The following NTNG2 variants were observed in gnomAD, a reference collection of about 807,000 sequenced individuals.
NTNG2 encodes netrin G2, also known as netrin-G2.
Under a neutral mutation model 47.6 loss-of-function variants are expected in NTNG2, and 15 were observed. That is an observed-to-expected ratio of 0.32 (90% CI 0.21 to 0.49). The LOEUF (loss-of-function observed/expected upper bound fraction) is 0.49. NTNG2 is among the 20% of genes least tolerant of loss of function. The probability of loss-of-function intolerance (pLI) is 0.99; values close to 1 mark genes in which losing one functional copy is unlikely to be tolerated. For synonymous variants in NTNG2, 307 were observed against 324.6 expected (o/e 0.95, Z 0.58); for missense variants, 578 against 764.6 (o/e 0.76, Z 2.88).
At chr9:132,227,543 G>A (rs527696982) in intron 4 of NTNG2, among the ~76,000 whole-genome samples, 1 of 152,144 alleles carries the variant, frequency 6.6e-6, no homozygotes, top group Non-Finnish European at 1.5e-5. Flanking sequence ...TGTTTGGAGC[G>A]AGCCACCAAG....
At chr9:132,201,363 C>G (rs916304768) in intron 3 of NTNG2, among the ~76,000 whole-genome samples, 2 of 152,238 alleles carry the variant, frequency 1.3e-5, no homozygotes, top group African/African-American at 4.8e-5. Context: ...AGTGTACAAT[C>G]AATTCAGAGA....
intron 3 of NTNG2, among the ~76,000 whole-genome samples, chr9:132,199,825 G>A (rs1260232144): frequency 6.6e-6 from 1 of 152,196 alleles, no homozygotes; most frequent in Non-Finnish European, 1.5e-5. Context: ...GGCCTGCTGT[G>A]GCAGCTCTTT....
chr9:132,241,797 A>C, intron 7 of NTNG2, 79 bp from the exon 8 acceptor site: 159 of 1,139,934 alleles, frequency 1.4e-4, no homozygotes, highest in Middle Eastern at 2.9e-4. Flanking sequence ...GGGATCTCGC[A>C]CACCCTGCTT....
At chr9:132,175,811 G>A (rs1400417722) in intron 2 of NTNG2, among the ~76,000 whole-genome samples, 3 of 152,024 alleles carry the variant, frequency 2.0e-5, no homozygotes, top group African/African-American at 4.8e-5. Context: ...CTGAGCAGCC[G>A]GGGAAGATTT....
chr9:132,174,877 G>A (rs1008583610), intron 2 of NTNG2, among the ~76,000 whole-genome samples: 10 of 151,324 alleles, frequency 6.6e-5, no homozygotes, highest in Middle Eastern at 3.4e-3. Context: ...AACTGAGATC[G>A]TCCCACTGCA....
At chr9:132,181,288 G>T (rs1355481790) in intron 2 of NTNG2, among the ~76,000 whole-genome samples, 3 of 148,554 alleles carry the variant, frequency 2.0e-5, no homozygotes, top group African/African-American at 7.5e-5. Context: ...TTGCCATGTT[G>T]CCCAGGCTGG....
Position 132,180,796 on chromosome 9 carries a change from G to A in NTNG2, c.213+13752G>A, listed in dbSNP as rs568140872. Among the ~76,000 whole-genome samples, 14 of 152,320 alleles carry A rather than the reference G, an allele frequency of 9.2e-5. No homozygotes were observed. Among genetic ancestry groups the A allele is most frequent in the Middle Eastern group, 3.4e-3 (1 of 294 alleles). On this transcript the variant is annotated intron_variant, in intron 2 of 7. Transcript: ENST00000393229. This position sits in a 1 kb window ranked among gnomAD's most constrained non-coding sequence, Gnocchi z 4.2. Reference sequence around the variant, plus strand: ...GAACCTACCCAGAAAACCCTGGAGCGGGAGCTTCTCACTTTTAATGGTCAT... The same window carrying A: ...GAACCTACCCAGAAAACCCTGGAGCAGGAGCTTCTCACTTTTAATGGTCAT...
At chr9:132,213,602 G>A (rs1199895449) in intron 3 of NTNG2, among the ~76,000 whole-genome samples, 1 of 152,150 alleles carries the variant, frequency 6.6e-6, no homozygotes, top group Non-Finnish European at 1.5e-5. Flanking sequence ...TGCAGAACAC[G>A]CCAGCCTCCC....
chr9:132,161,957 G>T, upstream of NTNG2: 1 of 150,772 alleles, frequency 6.6e-6, no homozygotes, highest in South Asian at 1.8e-4. This position sits in a 1 kb window ranked among gnomAD's most constrained non-coding sequence, Gnocchi z 7.2. Flanking sequence ...CGCTCAGCCC[G>T]GGCGGGCGAT....
In NTNG2 at chr9:132,198,034, C is replaced by G. The variant is rs1191683478; in HGVS notation, c.282C>G (p.Leu94=). The change falls in exon 3 of 8, where the codon CTC becomes CTG. Residue 94 remains leucine, a synonymous_variant. Transcript: ENST00000393229. ...CGGACCTGGCCCACCCGCCCAGGCT[C>G]ATGTTCGACAAGGAGGAGGAGGGCC... ...SNPDLAHPPR[L]MFDKEEEGLA... The G allele has an allele frequency of 6.2e-7, 1 of 1,613,708 alleles. No homozygotes were observed. Among genetic ancestry groups the G allele is most frequent in the Non-Finnish European group, 8.5e-7 (1 of 1,180,040 alleles).
In NTNG2 at chr9:132,242,043, GC is replaced by G. The variant is rs1280908415; in HGVS notation, c.1529del (p.Pro510ArgfsTer334). 7.8e-7 allele frequency: 1 copy of G among 1,274,468 alleles called. No individual in the cohort carries two copies. The highest frequency in any genetic ancestry group is 2.5e-5 in the South Asian group (1 of 39,948). 78.9% of individuals were successfully genotyped at this position (1,274,468 alleles called of 1,614,324 possible). On this transcript the variant is annotated frameshift_variant, in exon 8 of 8. Coordinates refer to ENST00000393229, the MANE Select transcript of NTNG2 (RefSeq NM_032536.4). LOFTEE classifies it low-confidence loss of function (END_TRUNC). This position sits in a 1 kb window ranked among gnomAD's most constrained non-coding sequence, Gnocchi z 5.9. ...GGACTGCGACCGCGCGCCCGGGGCC[GC>G]CCCGCGCCCCGCCACCCTGCTCGGC... The part of the protein sequence containing the change: ...GLDCDRAPGA[A>X]PRPATLLGCL...
At chr9:132,176,017 A>G (rs990998622) in intron 2 of NTNG2, among the ~76,000 whole-genome samples, 1 of 152,136 alleles carries the variant, frequency 6.6e-6, no homozygotes, top group Non-Finnish European at 1.5e-5. Flanking sequence ...ACATTTTTAA[A>G]ACTCAGGTGA....
chr9:132,233,812 C>T (rs1040904004), intron 5 of NTNG2: 9 of 152,174 alleles, frequency 5.9e-5, no homozygotes, highest in African/African-American at 2.2e-4. Context: ...TTCCTAGTCC[C>T]ACAGGTGAGG....
At chr9:132,185,858 G>GGGA (rs1384685225) in intron 2 of NTNG2, among the ~76,000 whole-genome samples, 1 of 148,570 alleles carries the variant, frequency 6.7e-6, no homozygotes, top group South Asian at 2.1e-4. Context: ...GAGGAGGAGT[G>GGGA]GGAGGAGGAG....
At chr9:132,220,418 C>T (rs897328462) in intron 3 of NTNG2, among the ~76,000 whole-genome samples, 3 of 149,378 alleles carry the variant, frequency 2.0e-5, no homozygotes, top group South Asian at 2.1e-4. Flanking sequence ...GAAACCATTG[C>T]TTAATTCAAG....
Position 132,163,673 on chromosome 9 carries a change from C to A in NTNG2, c.-484+1434C>A, listed in dbSNP as rs1461403677. On this transcript the variant is annotated intron_variant, in intron 1 of 7. Transcript: ENST00000393229. This position sits in a 1 kb window ranked among gnomAD's most constrained non-coding sequence, Gnocchi z 7.2. ...CCCCCAGCGCCCTCCCTCCCGTGCC[C>A]CCAGGGGCCCCGCGCCCGCCGCGGC... 6.6e-6 allele frequency among the ~76,000 whole-genome samples: 1 copy of A among 151,970 alleles called. No homozygotes were observed. The highest frequency in any genetic ancestry group is 6.5e-5 in the Admixed American group (1 of 15,278).
intron 3 of NTNG2, among the ~76,000 whole-genome samples, chr9:132,222,325 T>A (rs1840405573): frequency 6.6e-6 from 1 of 152,188 alleles, no homozygotes; most frequent in Non-Finnish European, 1.5e-5. Context: ...CCCGTACCAA[T>A]AGGTGCCTGC....
At chr9:132,227,648 G>A (rs938708422) in intron 4 of NTNG2, among the ~76,000 whole-genome samples, 10 of 152,092 alleles carry the variant, frequency 6.6e-5, no homozygotes, top group Non-Finnish European at 4.4e-5. Context: ...TGTCCTCTAC[G>A]GCCTGCACCA....
In NTNG2 at chr9:132,198,224, G is replaced by A. The variant is rs764547540; in HGVS notation, c.472G>A (p.Gly158Arg). 14 of 1,613,170 alleles carry A rather than the reference G, an allele frequency of 8.7e-6. No homozygotes were observed. The highest frequency in any genetic ancestry group is 3.3e-5 in the Admixed American group (2 of 60,010). The change falls in exon 3 of 8, where the codon GGG becomes AGG. Residue 158 changes from glycine to arginine, a missense_variant. By Grantham distance (125) the Gly-to-Arg change is moderately radical. Coordinates refer to ENST00000393229, the MANE Select transcript of NTNG2 (RefSeq NM_032536.4). Reference sequence around the variant, plus strand: ...GGTCCTGGAGAAGTCCCTGGACAACGGGCGCACCTGGCAGCCCTACCAGTT... The same window carrying A: ...GGTCCTGGAGAAGTCCCTGGACAACAGGCGCACCTGGCAGCCCTACCAGTT... ...VMVLEKSLDN[G>R]RTWQPYQFYA... is the part of the protein sequence containing the mutation.
Sources: gnomAD v4.1 joint callset for allele counts (sites outside exome capture counted in the v4.1 genomes callset) on GRCh38, gnomAD v4.1.1 for gene constraint, Gnocchi (gnomAD v3.1) non-coding constraint, MANE v1.5 for transcripts, NCBI Gene and HGNC (gene_info 2026-07-23, HGNC 2026-07-21) for gene names.